The following RBFOX1 variants were observed in gnomAD, a reference collection of about 807,000 sequenced individuals.
The protein encoded by RBFOX1 is RNA binding fox-1 homolog 1.
Under a neutral mutation model 57.7 loss-of-function variants are expected in RBFOX1, and 8 were observed. The ratio of observed to expected loss-of-function variants is 0.14; its 90% CI spans 0.08 to 0.25. The LOEUF (loss-of-function observed/expected upper bound fraction) is 0.25, where lower values mean the gene tolerates loss of function less well. Ranked by LOEUF, RBFOX1 falls within the 10% of genes least tolerant of loss-of-function variation. The pLI is 1.00. For missense variants in RBFOX1, 611 were observed against 548.5 expected (o/e 1.11, Z -1.14); for synonymous variants, 326 against 222.4 (o/e 1.47, Z -4.15).
At chr16:6,130,683 T>G (rs2096623411) in intron 1 of RBFOX1, among the ~76,000 whole-genome samples, 1 of 152,126 alleles carries the variant, frequency 6.6e-6, no homozygotes, top group South Asian at 2.1e-4. Context: ...AGTGGAAAAC[T>G]ATATCCCATA....
At chr16:6,022,637 C>G (rs916114505) in intron 1 of RBFOX1, among the ~76,000 whole-genome samples, 4 of 152,138 alleles carry the variant, frequency 2.6e-5, no homozygotes, top group African/African-American at 9.7e-5. Flanking sequence ...GAGCCGATAT[C>G]ACGCCACTGC....
chr16:6,667,660 T>A (rs890046253), intron 3 of RBFOX1, among the ~76,000 whole-genome samples: 1 of 152,070 alleles, frequency 6.6e-6, no homozygotes, highest in African/African-American at 2.4e-5. Flanking sequence ...GTGGGAGGAT[T>A]ACTTGAGCTC....
intron 3 of RBFOX1, among the ~76,000 whole-genome samples, chr16:6,826,859 T>C (rs560554749): frequency 7.2e-5 from 11 of 152,340 alleles, no homozygotes; most frequent in African/African-American, 2.6e-4. Context: ...TCAAACGCAG[T>C]TGGATGTGTT....
At chr16:6,834,070 T>C (rs1448846304) in intron 3 of RBFOX1, among the ~76,000 whole-genome samples, 1 of 151,722 alleles carries the variant, frequency 6.6e-6, no homozygotes, top group African/African-American at 2.4e-5. Context: ...TTTTTTTCTA[T>C]TTTTATTTTT....
intron 4 of RBFOX1, among the ~76,000 whole-genome samples, chr16:7,276,742 C>A (rs1413266395): frequency 6.6e-6 from 1 of 152,130 alleles, no homozygotes; most frequent in African/African-American, 2.4e-5. Flanking sequence ...CCTTTGTTCC[C>A]ACCTACGTTA....
intron 2 of RBFOX1, among the ~76,000 whole-genome samples, chr16:6,461,444 G>T (rs1390609562): frequency 6.6e-6 from 1 of 152,134 alleles, no homozygotes; most frequent in African/African-American, 2.4e-5. Context: ...CATGACTTAG[G>T]TGTATGTAAT....
chr16:5,874,719 A>C (rs1377890008), intron 4 of RBFOX1, among the ~76,000 whole-genome samples: 1 of 152,180 alleles, frequency 6.6e-6, no homozygotes, highest in African/African-American at 2.4e-5. Context: ...CAGAGACAGG[A>C]AAATCACTTG....
At chr16:6,807,623 C>A (rs1033187302) in intron 3 of RBFOX1, among the ~76,000 whole-genome samples, 11 of 152,066 alleles carry the variant, frequency 7.2e-5, no homozygotes, top group Non-Finnish European at 1.5e-4. Flanking sequence ...TGAGACCAGC[C>A]TGGCGAGCAT....
chr16:6,886,586 C>G (rs1044794969), intron 3 of RBFOX1, among the ~76,000 whole-genome samples: 3 of 151,768 alleles, frequency 2.0e-5, no homozygotes, highest in South Asian at 2.1e-4. Flanking sequence ...AACCATGTCT[C>G]TACTAAAAAT....
chr16:6,209,438 A>G (rs1297539050), intron 1 of RBFOX1, among the ~76,000 whole-genome samples: 1 of 152,208 alleles, frequency 6.6e-6, no homozygotes, highest in Non-Finnish European at 1.5e-5. Flanking sequence ...TAATCCGTCT[A>G]TTTCCTTAGT....
At chr16:7,655,712 T>C (rs2066139203) in intron 12 of RBFOX1, among the ~76,000 whole-genome samples, 1 of 152,212 alleles carries the variant, frequency 6.6e-6, no homozygotes, top group South Asian at 2.1e-4. Flanking sequence ...TTATACCACA[T>C]TCGTTTGAAA....
intron 1 of RBFOX1, among the ~76,000 whole-genome samples, chr16:5,253,835 G>A (rs951539995): frequency 6.6e-6 from 1 of 152,294 alleles, no homozygotes; most frequent in African/African-American, 2.4e-5. Flanking sequence ...CTTGCTGCCT[G>A]GAAAGATTTT....
chr16:7,669,249 G>A (rs1486454147), intron 13 of RBFOX1, among the ~76,000 whole-genome samples: 1 of 152,010 alleles, frequency 6.6e-6, no homozygotes, highest in East Asian at 1.9e-4. Flanking sequence ...CCAAGGAGTG[G>A]AAAACAAGCA....
At chr16:5,744,402 T>G (rs760304429) in intron 3 of RBFOX1, among the ~76,000 whole-genome samples, 1 of 152,208 alleles carries the variant, frequency 6.6e-6, no homozygotes, top group Non-Finnish European at 1.5e-5. Flanking sequence ...AAAGTAACTT[T>G]AGATTCTTCT....
At chr16:5,794,531 G>A (rs542046702) in intron 3 of RBFOX1, among the ~76,000 whole-genome samples, 1 of 151,180 alleles carries the variant, frequency 6.6e-6, no homozygotes, top group Admixed American at 6.6e-5. Context: ...TGTGTGTGTG[G>A]TGTGTGCAGC....
At chr16:6,523,912 T>A (rs547007272) in intron 2 of RBFOX1, among the ~76,000 whole-genome samples, 1 of 152,172 alleles carries the variant, frequency 6.6e-6, no homozygotes, top group Non-Finnish European at 1.5e-5. Context: ...ATGGGATGCA[T>A]GAGACATTTT....
intron 4 of RBFOX1, among the ~76,000 whole-genome samples, chr16:7,149,180 TCTC>T (rs2075637865): frequency 6.6e-6 from 1 of 151,978 alleles, no homozygotes; most frequent in African/African-American, 2.4e-5. Context: ...TTTCCCCAAT[TCTC>T]CTCCTTCATG....
chr16:5,770,132 T>C (rs2053928054), intron 3 of RBFOX1, among the ~76,000 whole-genome samples: 1 of 152,164 alleles, frequency 6.6e-6, no homozygotes, highest in Non-Finnish European at 1.5e-5. Context: ...TGTATATTAA[T>C]GTTTGAAGTG....
intron 3 of RBFOX1, among the ~76,000 whole-genome samples, chr16:6,970,528 G>C (rs1328254212): frequency 6.6e-6 from 1 of 152,156 alleles, no homozygotes; most frequent in Non-Finnish European, 1.5e-5. Context: ...AGTAGATTCA[G>C]TGTCCGGTGA....
Sources: gnomAD v4.1 joint callset for allele counts (sites outside exome capture counted in the v4.1 genomes callset) on GRCh38, gnomAD v4.1.1 for gene constraint, MANE v1.5 for transcripts, NCBI Gene and HGNC (gene_info 2026-07-23, HGNC 2026-07-21) for gene names.